NRXN1: variants seen among roughly 807,000 people sequenced by gnomAD.
NRXN1 encodes the protein neurexin 1, also known as neurexin-1.
In NRXN1, 39 loss-of-function variants were observed where a neutral mutation model predicts 150.9. That is an observed-to-expected ratio of 0.26 (90% CI 0.20 to 0.34). The LOEUF (loss-of-function observed/expected upper bound fraction) is 0.34. Ranked by LOEUF, NRXN1 falls within the 10% of genes least tolerant of loss-of-function variation. The pLI is 1.00. For missense variants in NRXN1, 1,815 were observed against 1,949.9 expected (o/e 0.93, Z 1.30); for synonymous variants, 924 against 757.0 (o/e 1.22, Z -3.62).
intron 5 of NRXN1, among the ~76,000 whole-genome samples, chr2:50,636,686 G>A (rs899563542): frequency 6.6e-6 from 1 of 151,990 alleles, no homozygotes; most frequent in Non-Finnish European, 1.5e-5. Context: ...ATTCTGTGAG[G>A]ACTTACAAAT....
At position 50,869,404 on chromosome 2, in the gene NRXN1, T is replaced by C. The variant is rs115584449; in HGVS notation, c.832+52465A>G. ...TCAAAATTTTTCCTTAGAAACAATT[T>C]GGAAGAAAATGACACAGTTAAGGTA... is the stretch of plus-strand genomic sequence containing the variant. On this transcript the variant is annotated intron_variant, in intron 5 of 22. Transcript: ENST00000401669. Among the ~76,000 whole-genome samples the C allele has an allele frequency of 7.1e-3, 1,082 of 151,562 alleles. 12 individuals carry two copies. Among genetic ancestry groups the C allele is most frequent in the African/African-American group, 0.025 (1,041 of 41,398 alleles).
intron 21 of NRXN1, among the ~76,000 whole-genome samples, chr2:49,980,376 C>T (rs375524339): frequency 1.3e-4 from 19 of 151,920 alleles, no homozygotes; most frequent in African/African-American, 4.1e-4. Context: ...GTTTCAGCTT[C>T]GGAATTCTTC....
chr2:49,931,730 A>T (rs1165001879), intron 22 of NRXN1, among the ~76,000 whole-genome samples: 2 of 152,148 alleles, frequency 1.3e-5, no homozygotes, highest in Non-Finnish European at 2.9e-5. Context: ...ATTACATTCC[A>T]GAAAAATGCA....
chr2:50,776,108 T>TA (rs781584626), intron 5 of NRXN1, among the ~76,000 whole-genome samples: 3 of 152,238 alleles, frequency 2.0e-5, no homozygotes, highest in Non-Finnish European at 2.9e-5. Flanking sequence ...GAACAACATA[T>TA]ATCCCTTCAC....
chr2:50,574,652 C>A (rs761435748), intron 8 of NRXN1, among the ~76,000 whole-genome samples: 8 of 152,150 alleles, frequency 5.3e-5, no homozygotes, highest in Non-Finnish European at 8.8e-5. Flanking sequence ...TCTGAAAAAT[C>A]TAAAGAGAAG....
At chr2:49,943,593 T>C (rs932661722) in intron 22 of NRXN1, 111 bp downstream of exon 22, 9 of 732,360 alleles carry the variant, frequency 1.2e-5, no homozygotes, top group Non-Finnish European at 2.2e-5. Flanking sequence ...CAATCAACGA[T>C]GGTATAGGAG....
rs750998953 is a variant in NRXN1, at chr2:50,538,487, T to C, written c.1909A>G (p.Asn637Asp). The change falls in exon 10 of 23, where the codon AAC becomes GAC. Residue 637 changes from asparagine (N) to aspartate (D), a missense_variant. Coordinates refer to ENST00000401669, the MANE Select transcript of NRXN1 (RefSeq NM_001330078.2). Reference sequence around the variant, plus strand: ...CTGATGCAGCCCACGTAGCCATAGTTGAGCAGAGCAGTCCACACCTCGGTG... The same window carrying C: ...CTGATGCAGCCCACGTAGCCATAGTCGAGCAGAGCAGTCCACACCTCGGTG... ...FPTEVWTALL[N>D]YGYVGCIRDL... is the part of the protein sequence containing the mutation. 1 of 1,613,736 alleles carries C rather than the reference T, an allele frequency of 6.2e-7. No homozygotes were observed. Among genetic ancestry groups the C allele is most frequent in the Non-Finnish European group, 8.5e-7 (1 of 1,179,754 alleles).
chr2:50,627,843 C>T (rs764670971), intron 5 of NRXN1, among the ~76,000 whole-genome samples: 1 of 151,638 alleles, frequency 6.6e-6, no homozygotes, highest in African/African-American at 2.4e-5. Flanking sequence ...AGGATTCAGA[C>T]TACTAATCCA....
chr2:50,501,949 A>C (rs1283930356), intron 13 of NRXN1, among the ~76,000 whole-genome samples: 1 of 152,174 alleles, frequency 6.6e-6, no homozygotes, highest in African/African-American at 2.4e-5. Context: ...AGTCTCTAGT[A>C]CCTTCCTTGC....
intron 1 of NRXN1, among the ~76,000 whole-genome samples, chr2:51,031,081 A>T (rs1671469583): frequency 6.6e-6 from 1 of 152,072 alleles, no homozygotes; most frequent in Non-Finnish European, 1.5e-5. Flanking sequence ...CATTCTTATC[A>T]CAGGGAGGTT....
At chr2:50,597,370 C>T (rs752233685) in intron 8 of NRXN1, among the ~76,000 whole-genome samples, 1 of 152,160 alleles carries the variant, frequency 6.6e-6, no homozygotes, top group Non-Finnish European at 1.5e-5. Context: ...GGTTCTATCT[C>T]ACCCTCTCCA....
intron 21 of NRXN1, among the ~76,000 whole-genome samples, chr2:50,038,429 G>A (rs1212259416): frequency 2.0e-5 from 3 of 152,136 alleles, no homozygotes; most frequent in Admixed American, 6.6e-5. Context: ...GAGGATCCCT[G>A]CACCCACATG....
chr2:50,179,888 T>C (rs1364485539), intron 18 of NRXN1, among the ~76,000 whole-genome samples: 1 of 152,168 alleles, frequency 6.6e-6, no homozygotes, highest in Non-Finnish European at 1.5e-5. Flanking sequence ...TTTCCTATAC[T>C]GCCTACAAAT....
chr2:50,842,059 T>A (rs936270913), intron 5 of NRXN1, among the ~76,000 whole-genome samples: 8 of 152,204 alleles, frequency 5.3e-5, no homozygotes, highest in South Asian at 2.1e-4. Context: ...CAACTGGACA[T>A]CATCTCCATT....
intron 8 of NRXN1, among the ~76,000 whole-genome samples, chr2:50,599,526 C>G (rs1675890716): frequency 6.6e-6 from 1 of 152,090 alleles, no homozygotes; most frequent in African/African-American, 2.4e-5. Context: ...AGAAAACATA[C>G]TTGGGAATGT....
intron 21 of NRXN1, among the ~76,000 whole-genome samples, chr2:49,997,539 G>A (rs779475806): frequency 7.9e-5 from 12 of 152,068 alleles, no homozygotes; most frequent in Admixed American, 7.9e-4. Flanking sequence ...TCTCTAGCAG[G>A]ACATTAATCC....
intron 17 of NRXN1, among the ~76,000 whole-genome samples, chr2:50,383,779 A>G (rs1282905295): frequency 1.3e-5 from 2 of 152,176 alleles, no homozygotes; most frequent in Non-Finnish European, 2.9e-5. Flanking sequence ...ATGATCCCTT[A>G]CAGATTTTTT....
intron 17 of NRXN1, among the ~76,000 whole-genome samples, chr2:50,408,564 A>G (rs1335586128): frequency 1.3e-5 from 2 of 152,170 alleles, no homozygotes; most frequent in African/African-American, 4.8e-5. Context: ...GAATGACATG[A>G]TGTAGCATGC....
chr2:50,425,626 C>T (rs2084414816), intron 17 of NRXN1, among the ~76,000 whole-genome samples: 1 of 152,082 alleles, frequency 6.6e-6, no homozygotes, highest in Non-Finnish European at 1.5e-5. Context: ...AATGTTGAAC[C>T]CTAAATGCTT....
Sources: allele counts gnomAD v4.1 joint callset (sites outside exome capture counted in the v4.1 genomes callset), GRCh38; gene constraint gnomAD v4.1.1; transcripts MANE v1.5; gene names NCBI Gene and HGNC (gene_info 2026-07-23, HGNC 2026-07-21).